The following ITSN2 variants were observed in gnomAD, a reference collection of about 807,000 sequenced individuals.
ITSN2 encodes the protein intersectin-2.
In ITSN2, 156 loss-of-function variants were observed where a neutral mutation model predicts 243.7. The ratio of observed to expected loss-of-function variants is 0.64; its 90% CI spans 0.56 to 0.73. The LOEUF is 0.73. Among genes scored for constraint, ITSN2 ranks in the 30% least tolerant of loss-of-function variants. The probability of loss-of-function intolerance (pLI) is 0.00; values close to 1 mark genes in which losing one functional copy is unlikely to be tolerated. For missense variants in ITSN2, 1,801 were observed against 1,996.1 expected, an observed-to-expected ratio of 0.90 and a Z score of 1.86; for synonymous variants, 703 against 699.9, an observed-to-expected ratio of 1.00 and a Z score of -0.07.
At chr2:24,264,601 G>C (rs144236152) in intron 20 of ITSN2, among the ~76,000 whole-genome samples, 2 of 29,594 alleles carry the variant, frequency 6.8e-5, no homozygotes, top group East Asian at 2.2e-3. Flanking sequence ...TCATTTTTTT[G>C]CATATGAATA....
chr2:24,335,834 C>T (rs1210290551), intron 1 of ITSN2, among the ~76,000 whole-genome samples: 7 of 151,682 alleles, frequency 4.6e-5, no homozygotes, highest in Admixed American at 2.0e-4. Context: ...GACGGGGTTT[C>T]GCCATGTTGG....
intron 1 of ITSN2, among the ~76,000 whole-genome samples, chr2:24,333,746 T>G (rs1204578687): frequency 6.6e-6 from 1 of 152,130 alleles, no homozygotes; most frequent in Non-Finnish European, 1.5e-5. Context: ...TTAGACAATG[T>G]AGAAAATATA....
intron 23 of ITSN2, among the ~76,000 whole-genome samples, chr2:24,256,735 G>T (rs1008044180): frequency 4.0e-5 from 6 of 151,826 alleles, no homozygotes; most frequent in Non-Finnish European, 4.4e-5. Flanking sequence ...CAGGCATGAA[G>T]AAACTGAAAA....
Position 24,210,052 on chromosome 2 carries a change from T to A in ITSN2, c.4258-19A>T. ...TAAGTTGCTTAAAGAGAAAGAAAAT[T>A]TCACTTTTTAAATCCCGGCACAAAC... On this transcript the variant is annotated intron_variant, in intron 34 of 39. Transcript: ENST00000355123. 1 of 1,593,838 alleles carries A rather than the reference T, an allele frequency of 6.3e-7. No homozygotes were observed. The highest frequency in any genetic ancestry group is 8.6e-7 in the Non-Finnish European group (1 of 1,162,418).
intron 12 of ITSN2, 126 bp from the exon 13 acceptor site, chr2:24,298,940 C>G (rs1486065031): frequency 1.5e-6 from 1 of 670,040 alleles, no homozygotes; most frequent in African/African-American, 1.9e-5. Context: ...CTAAGGGTAG[C>G]TAGGCAAATC....
chr2:24,310,212 TA>T (rs1683079601), intron 7 of ITSN2, 71 bp downstream of exon 7: 6 of 1,037,694 alleles, frequency 5.8e-6, no homozygotes, highest in East Asian at 2.4e-5. Context: ...CTCAAAGCTT[TA>T]AAAAAATCAT....
intron 1 of ITSN2, among the ~76,000 whole-genome samples, chr2:24,350,586 T>C (rs1461902147): frequency 6.6e-6 from 1 of 152,112 alleles, no homozygotes; most frequent in Non-Finnish European, 1.5e-5. Context: ...CAAATGTCCA[T>C]CAACTACAGA....
intron 37 of ITSN2, chr2:24,206,314 GC>G: frequency 2.5e-6 from 1 of 405,246 alleles, no homozygotes; most frequent in South Asian, 1.9e-5. Flanking sequence ...AACTATAGCA[GC>G]CAGGAAGCTG....
At chr2:24,226,395 G>T (rs564362245) in intron 29 of ITSN2, among the ~76,000 whole-genome samples, 1 of 152,342 alleles carries the variant, frequency 6.6e-6, no homozygotes, top group African/African-American at 2.4e-5. Context: ...CCTCTCTCCA[G>T]AAGAGTGACA....
chr2:24,235,809 G>A (rs1672093299), intron 29 of ITSN2, among the ~76,000 whole-genome samples: 1 of 152,158 alleles, frequency 6.6e-6, no homozygotes, highest in Non-Finnish European at 1.5e-5. Flanking sequence ...AAACCACAGT[G>A]AGATGTCACT....
At chr2:24,278,645 CTT>C (rs908928502) in intron 17 of ITSN2, among the ~76,000 whole-genome samples, 22 of 103,000 alleles carry the variant, frequency 2.1e-4, no homozygotes, top group African/African-American at 6.2e-4. Flanking sequence ...TGTTCTCAAT[CTT>C]TTTTTTTTTT....
intron 8 of ITSN2, among the ~76,000 whole-genome samples, chr2:24,308,041 G>A (rs1475101294): frequency 6.6e-6 from 1 of 152,208 alleles, no homozygotes; most frequent in Non-Finnish European, 1.5e-5. Context: ...GGGAAAGTTA[G>A]AAGGTGGGAA....
chr2:24,203,121 TTC>T lies in ITSN2; in HGVS notation c.*503_*504del, dbSNP rs1242676657. 3 of 152,904 alleles carry T rather than the reference TTC, an allele frequency of 2.0e-5. No individual in the cohort carries two copies. Among genetic ancestry groups the T allele is most frequent in the Non-Finnish European group, 2.9e-5 (2 of 68,264 alleles). 9.5% of individuals were successfully genotyped at this position (152,904 alleles called of 1,614,324 possible). The stretch of plus-strand genomic sequence containing the variant: ...CTAATCAGGAATAAAATGATCAAGT[TTC>T]TGTTTTTATTCAGTGCACGAGTAGA... On this transcript the variant is annotated 3_prime_UTR_variant, in exon 40 of 40. Transcript: ENST00000355123.
intron 1 of ITSN2, among the ~76,000 whole-genome samples, chr2:24,357,722 G>A (rs1445604857): frequency 3.9e-5 from 6 of 152,008 alleles, no homozygotes; most frequent in Non-Finnish European, 8.8e-5. Flanking sequence ...AAAAGAAAAT[G>A]CACCGTTAGA....
intron 1 of ITSN2, among the ~76,000 whole-genome samples, chr2:24,343,561 A>G (rs568086364): frequency 6.6e-6 from 1 of 152,338 alleles, no homozygotes; most frequent in African/African-American, 2.4e-5. Flanking sequence ...GTGTAAATAT[A>G]GGTCTGTGGA....
At chr2:24,348,909 CA>C (rs202072630) in intron 1 of ITSN2, among the ~76,000 whole-genome samples, 183 of 151,606 alleles carry the variant, frequency 1.2e-3, no homozygotes, top group African/African-American at 4.2e-3. Context: ...ACTATCGCTG[CA>C]AAAAAAATAG....
chr2:24,270,823 T>A (rs1320417668), intron 19 of ITSN2, 55 bp from the exon 20 acceptor site: 2 of 930,018 alleles, frequency 2.2e-6, no homozygotes, highest in Middle Eastern at 2.2e-4. Context: ...ATCTTTGCTA[T>A]GACTCAATAA....
intron 1 of ITSN2, among the ~76,000 whole-genome samples, chr2:24,353,508 GTTGCAGTGAGCTGAGA>G (rs1406755087): frequency 1.3e-5 from 2 of 152,076 alleles, no homozygotes; most frequent in African/African-American, 2.4e-5. Flanking sequence ...GGAGAAGGAG[GTTGCAGTGAGCTGAGA>G]TGGCAGTGAG....
intron 1 of ITSN2, among the ~76,000 whole-genome samples, chr2:24,356,776 G>A (rs1041303224): frequency 3.3e-5 from 5 of 152,040 alleles, no homozygotes; most frequent in African/African-American, 4.8e-5. Flanking sequence ...GGTGGCAGGC[G>A]TCTGTAATCC....
Sources: gnomAD v4.1 joint callset for allele counts (sites outside exome capture counted in the v4.1 genomes callset) on GRCh38, gnomAD v4.1.1 for gene constraint, MANE v1.5 for transcripts, NCBI Gene and HGNC (gene_info 2026-07-23, HGNC 2026-07-21) for gene names.